The following SREBF2 variants were observed in gnomAD, a reference collection of about 807,000 sequenced individuals.
SREBF2 encodes the protein sterol regulatory element-binding protein 2.
SREBF2 carries 55 observed loss-of-function variants against 113.1 expected under a neutral mutation model. The observed-to-expected ratio is 0.49, with a 90% CI of 0.39 to 0.61. SREBF2 has a LOEUF of 0.61. SREBF2 is among the 20% of genes least tolerant of loss of function. SREBF2 has a pLI of 0.00. For missense variants in SREBF2, 1,349 were observed against 1,487.4 expected, an observed-to-expected ratio of 0.91 and a Z score of 1.53; for synonymous variants, 593 against 605.7, an observed-to-expected ratio of 0.98 and a Z score of 0.31.
chr22:41,868,590 T>G, intron 2 of SREBF2, 21 bp from the exon 3 acceptor site: 1 of 1,614,096 alleles, frequency 6.2e-7, no homozygotes, highest in Non-Finnish European at 8.5e-7. Flanking sequence ...CTCTGTGCCT[T>G]CTTTCTCCTC....
In SREBF2 at chr22:41,833,633, C is replaced by G. The variant is rs2148330648; in HGVS notation, c.88+275C>G. On this transcript the variant is annotated intron_variant, in intron 1 of 18. Coordinates refer to ENST00000361204, the MANE Select transcript of SREBF2 (RefSeq NM_004599.4). This position sits in a 1 kb window ranked among gnomAD's most constrained non-coding sequence, Gnocchi z 4.1. ...TTCCAGAGCGCGGGGCTAGGGACGTCGCGGGGGCGTCTCAGGGAGCGGCCT... is the reference window on the plus strand; with the variant it reads ...TTCCAGAGCGCGGGGCTAGGGACGTGGCGGGGGCGTCTCAGGGAGCGGCCT... The G allele has an allele frequency of 2.8e-6, 1 of 360,390 alleles. No individual in the cohort carries two copies. Among genetic ancestry groups the G allele is most frequent in the Non-Finnish European group, 4.9e-6 (1 of 202,128 alleles). The allele number at this position is 360,390 out of a possible 1,614,324, so 22.3% of individuals were successfully genotyped here.
At position 41,866,915 on chromosome 22, in the gene SREBF2, G is replaced by T. The variant is rs549313143; in HGVS notation, c.173G>T (p.Gly58Val). The part of the protein sequence containing the change: ...EQLCSSFPGS[G>V]GSGSSSGSSG... ...CTGTGTAGCTCCTTTCCTGGCAGTGGTGGTAGTGGTAGCAGCAGCGGCAGC... is the reference window on the plus strand; with the variant it reads ...CTGTGTAGCTCCTTTCCTGGCAGTGTTGGTAGTGGTAGCAGCAGCGGCAGC... Residue 58 changes from glycine (G) to valine (V), a missense_variant, in exon 2 of 19, where the codon GGT becomes GTT. Physicochemically the swap from Gly to Val is moderately radical, Grantham distance 109 (BLOSUM62 -3). Transcript: ENST00000361204. 1 of 1,614,114 alleles carries T rather than the reference G, an allele frequency of 6.2e-7. No individual in the cohort carries two copies. The highest frequency in any genetic ancestry group is 8.5e-7 in the Non-Finnish European group (1 of 1,180,046).
At chr22:41,846,101 C>T (rs1233790194) in intron 1 of SREBF2, among the ~76,000 whole-genome samples, 1 of 152,212 alleles carries the variant, frequency 6.6e-6, no homozygotes, top group Admixed American at 6.5e-5. Context: ...GATAACTGTG[C>T]TGTTCGTTAT....
chr22:41,858,260 T>C (rs1224231836), intron 1 of SREBF2, among the ~76,000 whole-genome samples: 1 of 152,132 alleles, frequency 6.6e-6, no homozygotes, highest in Non-Finnish European at 1.5e-5. Context: ...GCAGCTCTAA[T>C]ATGAAAGATA....
At chr22:41,853,632 A>G (rs113759587) in intron 1 of SREBF2, among the ~76,000 whole-genome samples, 2 of 152,340 alleles carry the variant, frequency 1.3e-5, no homozygotes, top group African/African-American at 2.4e-5. Context: ...CCTAAAAGTG[A>G]AAGCTTTGCA....
intron 11 of SREBF2, among the ~76,000 whole-genome samples, chr22:41,890,652 T>C (rs2077351657): frequency 1.3e-5 from 2 of 150,670 alleles, no homozygotes. Context: ...TCTATAAAAT[T>C]TAGGAAAACT....
At position 41,905,074 on chromosome 22, in the gene SREBF2, G is replaced by A. The variant is rs990646427; in HGVS notation, c.3205+100G>A. The A allele has an allele frequency of 5.3e-6, 6 of 1,124,322 alleles. No homozygotes were observed. In the African/African-American group the frequency reaches 6.2e-5, roughly 12 times the overall value. The allele number at this position is 1,124,322 out of a possible 1,614,324, so 69.6% of individuals were successfully genotyped here. On this transcript the variant is annotated intron_variant, in intron 18 of 18. Coordinates refer to ENST00000361204, the MANE Select transcript of SREBF2 (RefSeq NM_004599.4). ...CCCAGCTCCCACATCTGGCATTGGTGCCCAGCACACCTCTCGCCTCTCTGA... is the reference window on the plus strand; with the variant it reads ...CCCAGCTCCCACATCTGGCATTGGTACCCAGCACACCTCTCGCCTCTCTGA...
rs887627183 is a variant in SREBF2 at position 41,906,900 on chromosome 22, C to A, written c.*1240C>A. 6.6e-6 allele frequency: 1 copy of A among 152,176 alleles called. No homozygotes were observed. The highest frequency in any genetic ancestry group is 1.5e-5 in the Non-Finnish European group (1 of 68,044). The allele number at this position is 152,176 out of a possible 1,614,324, so 9.4% of individuals were successfully genotyped here. On this transcript the variant is annotated 3_prime_UTR_variant, in exon 19 of 19. Coordinates refer to ENST00000361204, the MANE Select transcript of SREBF2 (RefSeq NM_004599.4). ...CTTTTCTGGGTCCCCAGGTGCAGCA[C>A]CTCCCGGAGACTGTTTCTCCCATGG...
At chr22:41,864,521 C>A (rs972844360) in intron 1 of SREBF2, among the ~76,000 whole-genome samples, 5 of 150,812 alleles carry the variant, frequency 3.3e-5, no homozygotes, top group African/African-American at 4.9e-5. Context: ...GGGGTTTCAC[C>A]GTGTTAGCCA....
At chr22:41,837,858 CAAAA>C (rs35054500) in intron 1 of SREBF2, among the ~76,000 whole-genome samples, 214 of 102,952 alleles carry the variant, frequency 2.1e-3, no homozygotes, top group African/African-American at 7.2e-3. Context: ...GACTCTGTCT[CAAAA>C]AAAAAAAAAA....
At chr22:41,861,753 T>A (rs898241131) in intron 1 of SREBF2, among the ~76,000 whole-genome samples, 1 of 151,980 alleles carries the variant, frequency 6.6e-6, no homozygotes, top group African/African-American at 2.4e-5. Flanking sequence ...TGAAACCCTG[T>A]CTCTACTAAA....
chr22:41,884,530 G>A (rs939230461), intron 10 of SREBF2, among the ~76,000 whole-genome samples: 2 of 152,218 alleles, frequency 1.3e-5, no homozygotes, highest in Non-Finnish European at 2.9e-5. Flanking sequence ...AACACACAGT[G>A]TGGCTGTGCT....
intron 1 of SREBF2, among the ~76,000 whole-genome samples, chr22:41,853,753 C>CGGT (rs1569377670): frequency 6.6e-6 from 1 of 152,086 alleles, no homozygotes; most frequent in Non-Finnish European, 1.5e-5. Context: ...AAAGCATGAT[C>CGGT]GGTCAGGTGC....
intron 4 of SREBF2, among the ~76,000 whole-genome samples, chr22:41,872,491 T>C (rs2077154273): frequency 6.6e-6 from 1 of 152,156 alleles, no homozygotes; most frequent in South Asian, 2.1e-4. Flanking sequence ...ACTTAAGATT[T>C]GTGGTTTTTA....
chr22:41,848,332 C>T (rs1187546972), intron 1 of SREBF2, among the ~76,000 whole-genome samples: 1 of 152,090 alleles, frequency 6.6e-6, no homozygotes, highest in Non-Finnish European at 1.5e-5. Context: ...CATGATCCGC[C>T]CACCGTGGCC....
intron 4 of SREBF2, 72 bp downstream of exon 4, chr22:41,871,107 T>A: frequency 6.3e-7 from 1 of 1,576,128 alleles, no homozygotes; most frequent in Non-Finnish European, 8.7e-7. Flanking sequence ...TCAGAGATGT[T>A]AAATCTCTAT....
chr22:41,901,598 T>A (rs1401141903), intron 16 of SREBF2, among the ~76,000 whole-genome samples: 1 of 152,002 alleles, frequency 6.6e-6, no homozygotes, highest in Non-Finnish European at 1.5e-5. Context: ...GAGGTAGAGG[T>A]TGCAGTGAGT....
intron 1 of SREBF2, among the ~76,000 whole-genome samples, chr22:41,837,675 A>G (rs2076790651): frequency 6.6e-6 from 1 of 151,686 alleles, no homozygotes; most frequent in Non-Finnish European, 1.5e-5. Flanking sequence ...CCTGACCAAC[A>G]TGGAGAAACC....
At chr22:41,892,771 G>A (rs546487110) in intron 11 of SREBF2, among the ~76,000 whole-genome samples, 35 of 152,216 alleles carry the variant, frequency 2.3e-4, no homozygotes, top group African/African-American at 8.2e-4. Context: ...ACCCCTCCTT[G>A]GGAAACCGCC....
Sources: allele counts gnomAD v4.1 joint callset (sites outside exome capture counted in the v4.1 genomes callset), GRCh38; gene constraint gnomAD v4.1.1; non-coding constraint Gnocchi (gnomAD v3.1); transcripts MANE v1.5; gene names NCBI Gene and HGNC (gene_info 2026-07-23, HGNC 2026-07-21).